ZNF43: variants seen among roughly 807,000 people sequenced by gnomAD.
ZNF43 encodes zinc finger protein 39-like 1 (KOX 27).
ZNF43 carries 44 observed loss-of-function variants against 68.4 expected under a neutral mutation model. The observed-to-expected ratio is 0.64, with a 90% CI of 0.51 to 0.83. The LOEUF (loss-of-function observed/expected upper bound fraction) is 0.83, where lower values mean the gene tolerates loss of function less well. ZNF43 is among the 40% of genes least tolerant of loss of function. ZNF43 has a pLI of 0.00. For synonymous variants in ZNF43, 308 were observed against 307.8 expected, an observed-to-expected ratio of 1.00 and a Z score of -0.01; for missense variants, 896 against 933.2, an observed-to-expected ratio of 0.96 and a Z score of 0.52.
At chr19:21,823,986 C>T (rs1341806954) in intron 1 of ZNF43, among the ~76,000 whole-genome samples, 2 of 152,054 alleles carry the variant, frequency 1.3e-5, no homozygotes, top group Non-Finnish European at 2.9e-5. Context: ...TCAAGACCAT[C>T]CTGGCTAACA....
upstream of ZNF43, among the ~76,000 whole-genome samples, chr19:21,839,417 G>A (rs909673640): frequency 1.4e-4 from 21 of 149,736 alleles, 1 homozygote; most frequent in African/African-American, 4.7e-4. Context: ...AGTGGACAAG[G>A]CCAAAACATG....
At position 21,806,687 on chromosome 19, in the gene ZNF43, CTTTAA is replaced by C. The variant is rs1432728310; in HGVS notation, c.*915_*919del. 1.3e-5 allele frequency: 2 copies of C among 152,124 alleles called. No homozygotes were observed. The highest frequency in any genetic ancestry group is 2.9e-5 in the Non-Finnish European group (2 of 68,018). The allele number at this position is 152,124 out of a possible 1,614,324, so 9.4% of individuals were successfully genotyped here. On this transcript the variant is annotated 3_prime_UTR_variant, in exon 4 of 4. Transcript: ENST00000354959. ...GTAATTTTTTCAAGATAAAAGTATA[CTTTAA>C]TTGTAATTATAACTGAAAATCTTCT...
intron 1 of ZNF43, among the ~76,000 whole-genome samples, chr19:21,831,051 A>G (rs1022186719): frequency 3.9e-5 from 6 of 152,362 alleles, no homozygotes; most frequent in Admixed American, 1.3e-4. Context: ...AAAATTTAAC[A>G]TTCTTCATGT....
chr19:21,826,071 G>A (rs973177031), intron 1 of ZNF43, among the ~76,000 whole-genome samples: 1 of 152,042 alleles, frequency 6.6e-6, no homozygotes, highest in Non-Finnish European at 1.5e-5. Context: ...AATAATAAAT[G>A]AAGAGGTAAA....
At chr19:21,835,969 C>T in intron 1 of ZNF43, 67 bp downstream of exon 1, 1 of 1,610,948 alleles carries the variant, frequency 6.2e-7, no homozygotes, top group Non-Finnish European at 8.5e-7. Flanking sequence ...GTGGAGCTGA[C>T]TGCGGGAAGG....
chr19:21,813,277 A>G (rs1205464915), intron 3 of ZNF43, among the ~76,000 whole-genome samples: 2 of 152,088 alleles, frequency 1.3e-5, no homozygotes, highest in Non-Finnish European at 2.9e-5. Context: ...TGTTTCTCAG[A>G]TACTTAAAAA....
At position 21,815,486 on chromosome 19, in the gene ZNF43, C is replaced by CATATATATATATATATATAT. The variant is rs58951070; in HGVS notation, c.229+2382_229+2401dup. On this transcript the variant is annotated intron_variant, in intron 3 of 3. Coordinates refer to ENST00000354959, the MANE Select transcript of ZNF43 (RefSeq NM_003423.4). The stretch of plus-strand genomic sequence containing the variant: ...AAAGAATAGCCTTACAACTAAATTA[C>CATATATATATATATATATAT]ATATATATATATATATATATATTTT... Among the ~76,000 whole-genome samples, 196 of 139,506 alleles carry CATATATATATATATATATAT rather than the reference C, an allele frequency of 1.4e-3. 1 individual carries two copies. The highest frequency in any genetic ancestry group is 3.5e-3 in the South Asian group (15 of 4,236). The allele number at this position is 139,506 out of a possible 152,430, so 91.5% of individuals were successfully genotyped here.
At chr19:21,829,357 A>C (rs1257886820) in intron 1 of ZNF43, among the ~76,000 whole-genome samples, 1 of 152,230 alleles carries the variant, frequency 6.6e-6, no homozygotes, top group East Asian at 1.9e-4. Context: ...ACCTTGGATT[A>C]TCAGTTTTCT....
chr19:21,844,308 C>A (rs1967749545), intron 1 of ZNF43, among the ~76,000 whole-genome samples: 1 of 138,428 alleles, frequency 7.2e-6, no homozygotes, highest in Non-Finnish European at 1.5e-5. Context: ...GAGCTCGTGC[C>A]ACTGTACTCC....
intron 1 of ZNF43, among the ~76,000 whole-genome samples, chr19:21,829,058 A>AG (rs2038293053): frequency 6.8e-6 from 1 of 146,428 alleles, no homozygotes; most frequent in Non-Finnish European, 1.5e-5. Context: ...AAAAAAAAAA[A>AG]AAAAAAATTA....
In ZNF43 at chr19:21,809,522, T is replaced by C; in HGVS notation, c.515A>G (p.Lys172Arg). The C allele has an allele frequency of 3.1e-6, 5 of 1,613,592 alleles. No individual in the cohort carries two copies. Among genetic ancestry groups the C allele is most frequent in the South Asian group, 1.1e-5 (1 of 91,060 alleles). The part of the protein sequence containing the change: ...NRHKISHTEK[K>R]LFKCKECGKS... ...GCCACATTCTTTGCATTTGAAAAGT[T>C]TTTTTTCAGTATGGCTTATCTTATG... The change falls in exon 4 of 4, where the codon AAA (lysine) becomes AGA (arginine). Residue 172 changes from lysine to arginine, a missense_variant. Physicochemically the swap from Lys to Arg is conservative, Grantham distance 26 (BLOSUM62 2). Coordinates refer to ENST00000354959, the MANE Select transcript of ZNF43 (RefSeq NM_003423.4).
upstream of ZNF43, among the ~76,000 whole-genome samples, chr19:21,837,492 T>C (rs1286579866): frequency 7.2e-6 from 1 of 138,970 alleles, no homozygotes; most frequent in African/African-American, 2.7e-5. Context: ...TGGCACAATC[T>C]CGGCTCACTG....
At chr19:21,834,361 AAAAAAG>A (rs141467159) in intron 1 of ZNF43, among the ~76,000 whole-genome samples, 12,643 of 150,884 alleles carry the variant, frequency 0.084, 607 homozygotes, top group Middle Eastern at 0.15. Context: ...AAAGTAAAGA[AAAAAAG>A]AAAAGGAAAA....
chr19:21,830,505 G>A (rs1188713301), intron 1 of ZNF43, among the ~76,000 whole-genome samples: 4 of 147,684 alleles, frequency 2.7e-5, no homozygotes, highest in South Asian at 2.1e-4. Flanking sequence ...TAAACAAACC[G>A]GAAAATCTAG....
intron 1 of ZNF43, among the ~76,000 whole-genome samples, chr19:21,849,300 C>T (rs950318607): frequency 1.3e-5 from 2 of 151,724 alleles, no homozygotes; most frequent in Non-Finnish European, 2.9e-5. Flanking sequence ...ACTAGCCTGA[C>T]CAACACTGAG....
At chr19:21,824,840 C>A (rs952150438) in intron 1 of ZNF43, among the ~76,000 whole-genome samples, 10 of 151,216 alleles carry the variant, frequency 6.6e-5, no homozygotes, top group Admixed American at 6.6e-5. Flanking sequence ...AACCTGGGAG[C>A]AATGATTCAA....
rs1412467577 is a variant in ZNF43 at position 21,808,796 on chromosome 19, G to T, written c.1241C>A (p.Thr414Asn). Residue 414 changes from threonine to asparagine, a missense_variant, in exon 4 of 4, where the codon ACT becomes AAT. Transcript: ENST00000354959. ...TCCAGTATGAGTTAACTTATGTTCA[G>T]TAAGCTTTGAGGACCACTTAAAAGC... ...GKAFKWSSKL[T>N]EHKLTHTGEK... 1 of 1,612,186 alleles carries T rather than the reference G, an allele frequency of 6.2e-7. No homozygotes were observed. The highest frequency in any genetic ancestry group is 1.7e-4 in the Middle Eastern group (1 of 6,052).
chr19:21,835,355 G>A (rs2038659410), intron 1 of ZNF43, among the ~76,000 whole-genome samples: 1 of 119,626 alleles, frequency 8.4e-6, no homozygotes, highest in African/African-American at 3.3e-5. Flanking sequence ...ATCTAGTTTA[G>A]TTTTTTTTTT....
chr19:21,822,405 A>C (rs943025051), intron 1 of ZNF43, among the ~76,000 whole-genome samples: 3 of 141,054 alleles, frequency 2.1e-5, no homozygotes, highest in African/African-American at 7.9e-5. Context: ...TCCACGCAGA[A>C]TCTGAACCAA....
Sources: allele counts gnomAD v4.1 joint callset (sites outside exome capture counted in the v4.1 genomes callset), GRCh38; gene constraint gnomAD v4.1.1; transcripts MANE v1.5; gene names NCBI Gene and HGNC (gene_info 2026-07-23, HGNC 2026-07-21).